The following NOX4 variants were observed in gnomAD, a reference collection of about 807,000 sequenced individuals.
NOX4 encodes kidney oxidase-1.
Under a neutral mutation model 87.6 loss-of-function variants are expected in NOX4, and 69 were observed. That is an observed-to-expected ratio of 0.79 (90% confidence interval 0.65 to 0.96). NOX4 has a LOEUF of 0.96. Ranked by LOEUF, NOX4 falls within the 40% of genes least tolerant of loss-of-function variation. The pLI is 0.00. For missense variants in NOX4, 680 were observed against 681.5 expected (o/e 1.00, Z 0.02); for synonymous variants, 275 against 238.2 (o/e 1.15, Z -1.42).
In NOX4 at chr11:89,326,898, T is replaced by C. The variant is rs773479592; in HGVS notation, c.1617-22A>G. The C allele has an allele frequency of 6.2e-6, 10 of 1,611,594 alleles. No individual in the cohort carries two copies. In the Admixed American group the frequency reaches 6.7e-5, roughly 11 times the overall value. ...TTTTCTAGAACAAGAGCAGAGAAAA[T>C]GGAAAATCAGGTGTAAAATTAGGCA... On this transcript the variant is annotated intron_variant, in intron 17 of 17. Coordinates refer to ENST00000263317, the MANE Select transcript of NOX4 (RefSeq NM_016931.5).
the NOX4 span, among the ~76,000 whole-genome samples, chr11:89,540,821 A>C: frequency 7.6e-6 from 1 of 131,268 alleles, no homozygotes; most frequent in African/African-American, 2.9e-5. Flanking sequence ...AAAAAAAAAA[A>C]AAAAAAAAAA....
At chr11:89,477,245 T>C (rs1390381457) in intron 2 of NOX4, among the ~76,000 whole-genome samples, 1 of 152,132 alleles carries the variant, frequency 6.6e-6, no homozygotes, top group African/African-American at 2.4e-5. Flanking sequence ...CAGGAGACAG[T>C]GACAGATCAT....
At chr11:89,363,777 C>T (rs317184) in intron 12 of NOX4, among the ~76,000 whole-genome samples, 2,318 of 152,112 alleles carry the variant, frequency 0.015, 61 homozygotes, top group African/African-American at 0.053. Flanking sequence ...TTGTTTAAAT[C>T]AAGCGAATGT....
chr11:89,490,822 T>G, intron 1 of NOX4: 1 of 698,870 alleles, frequency 1.4e-6, no homozygotes, highest in Non-Finnish European at 2.6e-6. Flanking sequence ...CCGTACAAAA[T>G]GAGATTAAGA....
chr11:89,459,411 A>G (rs548783685), intron 2 of NOX4, among the ~76,000 whole-genome samples: 2 of 152,226 alleles, frequency 1.3e-5, no homozygotes, highest in Non-Finnish European at 2.9e-5. Flanking sequence ...ATTTATCCCT[A>G]TAGTAAACCT....
chr11:89,524,987 A>G, the NOX4 span, among the ~76,000 whole-genome samples: 1 of 152,062 alleles, frequency 6.6e-6, no homozygotes, highest in South Asian at 2.1e-4. Context: ...CAGCTTAATG[A>G]TTTCAAGATT....
intron 8 of NOX4, among the ~76,000 whole-genome samples, chr11:89,407,481 G>A (rs1193937713): frequency 6.6e-6 from 1 of 152,034 alleles, no homozygotes; most frequent in Non-Finnish European, 1.5e-5. Flanking sequence ...CTCCTATCAT[G>A]AGAAATAAAG....
At chr11:89,353,576 G>C (rs1422167516) in intron 13 of NOX4, among the ~76,000 whole-genome samples, 1 of 152,012 alleles carries the variant, frequency 6.6e-6, no homozygotes, top group East Asian at 1.9e-4. Context: ...TATGCAGTGA[G>C]AAACTTAAAA....
At chr11:89,572,044 C>T in the NOX4 span, among the ~76,000 whole-genome samples, 2 of 152,180 alleles carry the variant, frequency 1.3e-5, no homozygotes, top group African/African-American at 4.8e-5. Context: ...CCTCCGCCCC[C>T]CTCAAGTAGT....
intron 13 of NOX4, among the ~76,000 whole-genome samples, chr11:89,350,211 T>C (rs1195204243): frequency 6.6e-6 from 1 of 152,210 alleles, no homozygotes; most frequent in Non-Finnish European, 1.5e-5. Flanking sequence ...AAAAATTGAT[T>C]AATGAACATT....
intron 6 of NOX4, among the ~76,000 whole-genome samples, chr11:89,434,403 TTTC>T (rs1246660620): frequency 6.6e-6 from 1 of 152,106 alleles, no homozygotes; most frequent in Non-Finnish European, 1.5e-5. Context: ...ATCCAAATCA[TTTC>T]TTCTTTACGC....
intron 11 of NOX4, among the ~76,000 whole-genome samples, chr11:89,399,028 G>A (rs952655748): frequency 3.4e-4 from 52 of 151,832 alleles, no homozygotes; most frequent in African/African-American, 1.2e-3. Context: ...GTAGAGAAAA[G>A]GATTGGAAAG....
intron 8 of NOX4, among the ~76,000 whole-genome samples, chr11:89,406,937 A>G (rs777098757): frequency 3.3e-5 from 5 of 152,106 alleles, no homozygotes; most frequent in Non-Finnish European, 7.4e-5. Context: ...CAGCTGAAGG[A>G]TGTAGAGATT....
chr11:89,509,116 G>A, the NOX4 span, among the ~76,000 whole-genome samples: 1 of 151,866 alleles, frequency 6.6e-6, no homozygotes, highest in Non-Finnish European at 1.5e-5. Flanking sequence ...GAAACAATAA[G>A]CACAATATAC....
chr11:89,510,369 G>C, the NOX4 span, among the ~76,000 whole-genome samples: 1 of 151,984 alleles, frequency 6.6e-6, no homozygotes, highest in Non-Finnish European at 1.5e-5. Context: ...ACACACCCTA[G>C]GCAAAAATAT....
the NOX4 span, among the ~76,000 whole-genome samples, chr11:89,511,387 C>G: frequency 6.6e-6 from 1 of 151,884 alleles, no homozygotes; most frequent in African/African-American, 2.4e-5. Flanking sequence ...CAACGTTTCT[C>G]TTTTTTTCAT....
At chr11:89,361,923 C>T (rs892303557) in intron 12 of NOX4, among the ~76,000 whole-genome samples, 51 of 152,000 alleles carry the variant, frequency 3.4e-4, no homozygotes, top group African/African-American at 1.1e-3. Context: ...CCATCAGGGT[C>T]GGCCTCAGAT....
chr11:89,582,434 T>G, the NOX4 span, among the ~76,000 whole-genome samples: 17 of 152,156 alleles, frequency 1.1e-4, no homozygotes, highest in Non-Finnish European at 1.5e-5. Flanking sequence ...TAATTCTATT[T>G]TTAACTTTCT....
At chr11:89,480,148 G>T (rs1307797157) in intron 2 of NOX4, among the ~76,000 whole-genome samples, 2 of 152,094 alleles carry the variant, frequency 1.3e-5, no homozygotes, top group South Asian at 2.1e-4. Context: ...TACTTGTTTT[G>T]CTATTAAGTA....
Sources: gnomAD v4.1 joint callset for allele counts (sites outside exome capture counted in the v4.1 genomes callset) on GRCh38, gnomAD v4.1.1 for gene constraint, MANE v1.5 for transcripts, NCBI Gene and HGNC (gene_info 2026-07-23, HGNC 2026-07-21) for gene names.